The following MCF2L2 variants were observed in gnomAD, a reference collection of about 807,000 sequenced individuals.
MCF2L2 encodes MCF.2 cell line derived transforming sequence-like 2.
MCF2L2 carries 102 observed loss-of-function variants against 150.2 expected under a neutral mutation model. That is an observed-to-expected ratio of 0.68 (90% CI 0.58 to 0.80). The LOEUF (loss-of-function observed/expected upper bound fraction) is 0.80, where lower values mean the gene tolerates loss of function less well. Ranked by LOEUF, MCF2L2 falls within the 30% of genes least tolerant of loss-of-function variation. The pLI is 0.00. For missense variants in MCF2L2, 1,256 were observed against 1,372.8 expected, an observed-to-expected ratio of 0.91 and a Z score of 1.34; for synonymous variants, 465 against 491.3, an observed-to-expected ratio of 0.95 and a Z score of 0.71.
chr3:183,358,824 C>T (rs775572296), intron 3 of MCF2L2, among the ~76,000 whole-genome samples: 5 of 152,096 alleles, frequency 3.3e-5, no homozygotes, highest in East Asian at 3.9e-4. Flanking sequence ...AGGGTCTTGC[C>T]GTGTTGCCCA....
intron 10 of MCF2L2, among the ~76,000 whole-genome samples, chr3:183,301,056 C>T (rs943856836): frequency 1.2e-4 from 18 of 148,962 alleles, no homozygotes; most frequent in African/African-American, 4.0e-4. Context: ...CTTGTCTAAA[C>T]CCTTTCCCAA....
intron 2 of MCF2L2, among the ~76,000 whole-genome samples, chr3:183,387,742 G>A (rs947742666): frequency 1.3e-5 from 2 of 152,038 alleles, no homozygotes; most frequent in Admixed American, 1.3e-4. Flanking sequence ...AGACCAGCCT[G>A]GCCAACATGG....
At chr3:183,347,041 G>T (rs1284814680) in intron 3 of MCF2L2, among the ~76,000 whole-genome samples, 1 of 152,062 alleles carries the variant, frequency 6.6e-6, no homozygotes. Flanking sequence ...TTTCTTCACA[G>T]AATTAGAAAA....
intron 15 of MCF2L2, among the ~76,000 whole-genome samples, chr3:183,273,939 G>A (rs1299278900): frequency 1.3e-5 from 2 of 152,172 alleles, no homozygotes; most frequent in African/African-American, 2.4e-5. Flanking sequence ...TATTGGCCAG[G>A]CGCCATGGCT....
chr3:183,216,570 ATATATATATATTTTTTTTTTTTTTTTT>A lies in MCF2L2; in HGVS notation c.2371-503_2371-477del, dbSNP rs1469844654. On this transcript the variant is annotated intron_variant, in intron 21 of 29. Coordinates refer to ENST00000328913, the MANE Select transcript of MCF2L2 (RefSeq NM_015078.4). Reference sequence around the variant, plus strand: ...ATATATATTATATATATATATATATATATATATATATTTTTTTTTTTTTTTTTTTTTTTTTTTTTTTTTTTTGAGAGC... The same window carrying A: ...ATATATATTATATATATATATATATATTTTTTTTTTTTTTTTTTTGAGAGC... 8.5e-4 allele frequency among the ~76,000 whole-genome samples: 23 copies of A among 26,972 alleles called. 2 individuals are homozygous for A. In the South Asian group the frequency reaches 8.8e-3, roughly 10 times the overall value. 17.7% of individuals were successfully genotyped at this position (26,972 alleles called of 152,430 possible).
chr3:183,338,654 G>T, intron 5 of MCF2L2, 146 bp downstream of exon 5: 2 of 654,148 alleles, frequency 3.1e-6, no homozygotes, highest in South Asian at 3.2e-5. Context: ...CTGCCTCTAT[G>T]CCTTCACACA....
intron 1 of MCF2L2, among the ~76,000 whole-genome samples, chr3:183,395,483 T>C (rs1714385272): frequency 6.6e-6 from 1 of 152,232 alleles, no homozygotes; most frequent in African/African-American, 2.4e-5. Flanking sequence ...CGGAAAAGTA[T>C]GCACTGGTAG....
At chr3:183,231,058 A>T in intron 15 of MCF2L2, 41 bp from the exon 16 acceptor site, 1 of 1,422,186 alleles carries the variant, frequency 7.0e-7, no homozygotes, top group Non-Finnish European at 9.9e-7. Flanking sequence ...AGAGAGAGAG[A>T]CAGGGAGAGG....
chr3:183,288,884 A>G (rs897395649), intron 14 of MCF2L2, among the ~76,000 whole-genome samples: 1 of 152,256 alleles, frequency 6.6e-6, no homozygotes, highest in African/African-American at 2.4e-5. Context: ...CTACAACAGT[A>G]TCTACCAATA....
At chr3:183,191,525 A>G (rs1366036332) in intron 27 of MCF2L2, among the ~76,000 whole-genome samples, 2 of 152,140 alleles carry the variant, frequency 1.3e-5, no homozygotes, top group African/African-American at 4.8e-5. Context: ...ATCAGTGGGA[A>G]TATGTTTCTA....
chr3:183,205,996 T>C (rs375310218), intron 24 of MCF2L2, 42 bp from the exon 25 acceptor site: 11 of 1,577,716 alleles, frequency 7.0e-6, no homozygotes, highest in Non-Finnish European at 9.6e-6. Context: ...CTACCATGAG[T>C]ATTAATTGCA....
chr3:183,196,383 A>G (rs781666431), intron 25 of MCF2L2, among the ~76,000 whole-genome samples: 1 of 152,204 alleles, frequency 6.6e-6, no homozygotes, highest in Non-Finnish European at 1.5e-5. Flanking sequence ...GATGGTGTAA[A>G]AATGAATCTG....
At chr3:183,216,272 ATACGGCAT>A (rs1312241599) in intron 21 of MCF2L2, among the ~76,000 whole-genome samples, 178 bp from the exon 22 acceptor site, 4 of 151,684 alleles carry the variant, frequency 2.6e-5, no homozygotes, top group African/African-American at 9.7e-5. Flanking sequence ...TGATTTAGGT[ATACGGCAT>A]AGAGACAAGC....
chr3:183,368,331 C>G (rs756545239), intron 3 of MCF2L2, among the ~76,000 whole-genome samples: 5 of 152,162 alleles, frequency 3.3e-5, no homozygotes, highest in Admixed American at 6.5e-5. Flanking sequence ...AAACTACCAT[C>G]CATCTGCCAA....
intron 3 of MCF2L2, among the ~76,000 whole-genome samples, chr3:183,348,437 G>GGA (rs1435187004): frequency 1.3e-5 from 2 of 151,782 alleles, no homozygotes; most frequent in African/African-American, 2.4e-5. Flanking sequence ...GCGAGGGGAG[G>GGA]GAGAGAATTA....
chr3:183,239,146 G>T (rs1723888769), intron 15 of MCF2L2, among the ~76,000 whole-genome samples: 2 of 152,122 alleles, frequency 1.3e-5, no homozygotes, highest in Non-Finnish European at 2.9e-5. Flanking sequence ...TGTCCTGATG[G>T]CAATCTACTC....
chr3:183,216,582 T>TA (rs1722949277), intron 21 of MCF2L2, among the ~76,000 whole-genome samples: 1 of 1,588 alleles, frequency 6.3e-4, no homozygotes, highest in Non-Finnish European at 3.3e-3. Context: ...ATATATATAT[T>TA]TTTTTTTTTT....
intron 22 of MCF2L2, among the ~76,000 whole-genome samples, chr3:183,212,952 G>C (rs1214642074): frequency 7.4e-6 from 1 of 134,842 alleles, no homozygotes; most frequent in Non-Finnish European, 1.6e-5. Flanking sequence ...GTATTGTGGG[G>C]GGGTGGGGGG....
intron 1 of MCF2L2, among the ~76,000 whole-genome samples, chr3:183,398,375 C>A (rs1299304698): frequency 6.6e-6 from 1 of 152,136 alleles, no homozygotes; most frequent in East Asian, 1.9e-4. Flanking sequence ...ATAGAGGCAG[C>A]CAGGGTCCCT....
Sources: allele counts gnomAD v4.1 joint callset (sites outside exome capture counted in the v4.1 genomes callset), GRCh38; gene constraint gnomAD v4.1.1; transcripts MANE v1.5; gene names NCBI Gene and HGNC (gene_info 2026-07-23, HGNC 2026-07-21).